Variants in MBD5 observed in about 807,000 individuals in gnomAD.
MBD5 encodes methyl-CpG-binding domain protein 5.
In MBD5, 13 loss-of-function variants were observed where a neutral mutation model predicts 117.3. That is an observed-to-expected ratio of 0.11 (90% confidence interval 0.07 to 0.18). MBD5 has a LOEUF of 0.18. Ranked by LOEUF, MBD5 falls within the 10% of genes least tolerant of loss-of-function variation. The pLI, the probability that MBD5 is intolerant of heterozygous loss-of-function variation, is 1.00. For synonymous variants in MBD5, 727 were observed against 766.4 expected (o/e 0.95, Z 0.85); for missense variants, 1,879 against 2,093.8 (o/e 0.90, Z 2.00).
intron 2 of MBD5, among the ~76,000 whole-genome samples, chr2:148,199,637 T>C (rs1699085579): frequency 6.6e-6 from 1 of 152,002 alleles, no homozygotes; most frequent in African/African-American, 2.4e-5. Context: ...CTTATACCTG[T>C]GGTCCCAAGT....
chr2:148,306,403 G>T (rs114225528), intron 3 of MBD5, among the ~76,000 whole-genome samples: 1 of 151,982 alleles, frequency 6.6e-6, no homozygotes, highest in Non-Finnish European at 1.5e-5. Flanking sequence ...TCAAAGCCTT[G>T]GTAATGTAAT....
At chr2:148,096,992 G>C (rs950896054) in intron 1 of MBD5, among the ~76,000 whole-genome samples, 43 of 152,042 alleles carry the variant, frequency 2.8e-4, no homozygotes, top group African/African-American at 9.4e-4. Flanking sequence ...AAACAATCTT[G>C]CATCTGAAAT....
intron 1 of MBD5, among the ~76,000 whole-genome samples, chr2:148,102,713 C>T (rs1696254948): frequency 1.2e-5 from 1 of 82,782 alleles, no homozygotes; most frequent in African/African-American, 4.3e-5. Flanking sequence ...CACACACACA[C>T]ACACACACAC....
At chr2:148,085,564 A>C (rs1183386285) in intron 1 of MBD5, among the ~76,000 whole-genome samples, 1 of 151,762 alleles carries the variant, frequency 6.6e-6, no homozygotes, top group African/African-American at 2.4e-5. Context: ...CTCTACTAAA[A>C]ATACAAAAAA....
At chr2:148,487,734 G>C (rs1017546104) in intron 10 of MBD5, among the ~76,000 whole-genome samples, 5 of 151,744 alleles carry the variant, frequency 3.3e-5, no homozygotes, top group African/African-American at 1.2e-4. Flanking sequence ...GATTTTAGCT[G>C]TTCTTGACAC....
chr2:148,294,504 T>TTTTTTTTTTTGTTTTG (rs1559009513), intron 3 of MBD5, among the ~76,000 whole-genome samples: 3 of 21,496 alleles, frequency 1.4e-4, no homozygotes, highest in Admixed American at 9.1e-4. Context: ...GATTACAGTT[T>TTTTTTTTTTTGTTTTG]TTTTTTTTTT....
At chr2:148,495,617 C>T in intron 11 of MBD5, among the ~76,000 whole-genome samples, 1 of 151,832 alleles carries the variant, frequency 6.6e-6, no homozygotes, top group Non-Finnish European at 1.5e-5. Context: ...CACCTGATTA[C>T]CAAAAAAAGG....
chr2:148,055,083 A>T (rs1377300853), intron 1 of MBD5: 1 of 152,164 alleles, frequency 6.6e-6, no homozygotes, highest in East Asian at 1.9e-4. Context: ...ATTCATAGGG[A>T]TTCTTTTTAT....
chr2:148,300,732 C>T (rs968637084), intron 3 of MBD5, among the ~76,000 whole-genome samples: 7 of 152,154 alleles, frequency 4.6e-5, no homozygotes, highest in Admixed American at 4.6e-4. Context: ...GGGCATGAGT[C>T]CATAAACAGG....
At chr2:148,362,101 A>C (rs1016900826) in intron 4 of MBD5, among the ~76,000 whole-genome samples, 1 of 152,146 alleles carries the variant, frequency 6.6e-6, no homozygotes, top group African/African-American at 2.4e-5. Context: ...AGTTTTTTTC[A>C]TACCCCAGTG....
At chr2:148,399,976 A>C (rs1206780421) in intron 4 of MBD5, among the ~76,000 whole-genome samples, 1 of 152,040 alleles carries the variant, frequency 6.6e-6, no homozygotes, top group Non-Finnish European at 1.5e-5. Context: ...TCGTATGTTG[A>C]ACCAGCCTTG....
intron 1 of MBD5, among the ~76,000 whole-genome samples, chr2:148,152,254 G>A (rs934415789): frequency 6.6e-6 from 1 of 152,198 alleles, no homozygotes; most frequent in African/African-American, 2.4e-5. Flanking sequence ...GTGGTTTTGA[G>A]TGAGATTCTT....
chr2:148,469,014 A>T lies in MBD5; in HGVS notation c.1071A>T (p.Pro357=), dbSNP rs1271017939. The T allele has an allele frequency of 1.2e-6, 2 of 1,613,604 alleles. No homozygotes were observed. Among genetic ancestry groups the T allele is most frequent in the East Asian group, 4.5e-5 (2 of 44,822 alleles). ...AGCCATTAACATCTGAGAAAGATCC[A>T]CTTGGCATTCTTGACCCTATTCCTA... ...QKKPLTSEKD[P]LGILDPIPSK... The change falls in exon 8 of 14, where the codon CCA becomes CCT. Residue 357 remains proline, a synonymous_variant. Transcript: ENST00000642680.
At chr2:148,178,353 T>G (rs2105838507) in intron 1 of MBD5, among the ~76,000 whole-genome samples, 1 of 152,300 alleles carries the variant, frequency 6.6e-6, no homozygotes, top group East Asian at 1.9e-4. Flanking sequence ...AAACTATTTT[T>G]TAGAATGGGG....
In MBD5 at chr2:148,489,568, C is replaced by T. The variant is rs201396932; in HGVS notation, c.3936C>T (p.Gly1312=). 7 of 1,614,164 alleles carry T rather than the reference C, an allele frequency of 4.3e-6. No individual in the cohort carries two copies. Among genetic ancestry groups the T allele is most frequent in the Non-Finnish European group, 5.9e-6 (7 of 1,180,042 alleles). The change falls in exon 11 of 14, where the codon GGC becomes GGT. Residue 1312 remains glycine, a synonymous_variant. Transcript: ENST00000642680. ...QQVKDGLVVG[G]PGDASVDAIY... ...TGAAGGATGGCCTCGTTGTGGGTGG[C>T]CCAGGTGATGCTTCCGTAGATGCCA...
At chr2:148,245,040 GAGTT>G (rs1368778123) in intron 3 of MBD5, among the ~76,000 whole-genome samples, 1 of 152,170 alleles carries the variant, frequency 6.6e-6, no homozygotes, top group Non-Finnish European at 1.5e-5. Flanking sequence ...ATGAATAACA[GAGTT>G]AGTTAAGGAA....
chr2:148,042,366 C>T (rs535226835), intron 1 of MBD5, among the ~76,000 whole-genome samples: 3 of 151,806 alleles, frequency 2.0e-5, no homozygotes, highest in African/African-American at 7.2e-5. Context: ...GCATATGCCT[C>T]TATGAGGAAG....
chr2:148,425,620 C>T (rs989308584), intron 4 of MBD5, among the ~76,000 whole-genome samples: 10 of 152,150 alleles, frequency 6.6e-5, no homozygotes, highest in African/African-American at 2.4e-4. Flanking sequence ...TGATGAACAT[C>T]GGTGCAAAAA....
At chr2:148,268,870 A>G (rs1485774418) in intron 3 of MBD5, among the ~76,000 whole-genome samples, 1 of 152,014 alleles carries the variant, frequency 6.6e-6, no homozygotes, top group African/African-American at 2.4e-5. Context: ...AAAATCTAAT[A>G]TCCATAGAGG....
Sources: allele counts gnomAD v4.1 joint callset (sites outside exome capture counted in the v4.1 genomes callset), GRCh38; gene constraint gnomAD v4.1.1; transcripts MANE v1.5; gene names NCBI Gene and HGNC (gene_info 2026-07-23, HGNC 2026-07-21).